The following SATB2 variants were observed in gnomAD, a reference collection of about 807,000 sequenced individuals.
SATB2 encodes SATB homeobox 2.
SATB2 carries 1 observed loss-of-function variant against 73.4 expected under a neutral mutation model. The observed-to-expected ratio is 0.01, with a 90% CI of 0.00 to 0.06. The LOEUF is 0.06. Among genes scored for constraint, SATB2 ranks in the 10% least tolerant of loss-of-function variants. SATB2 has a pLI of 1.00. For synonymous variants in SATB2, 397 were observed against 367.0 expected (o/e 1.08, Z -0.93); for missense variants, 459 against 945.8 (o/e 0.49, Z 6.75).
intron 7 of SATB2, among the ~76,000 whole-genome samples, chr2:199,333,383 T>C (rs763285426): frequency 6.6e-6 from 1 of 152,002 alleles, no homozygotes; most frequent in African/African-American, 2.4e-5. Context: ...GAAAGTATTA[T>C]CAACTGCAGG....
intron 3 of SATB2, among the ~76,000 whole-genome samples, chr2:199,409,742 AT>A (rs1690756417): frequency 6.6e-6 from 1 of 152,028 alleles, no homozygotes; most frequent in East Asian, 1.9e-4. Flanking sequence ...TGAAGGAGGA[AT>A]CTTTACTTGA....
In SATB2 at chr2:199,271,682, T is replaced by C. The variant is rs1454139211; in HGVS notation, c.*529A>G. On this transcript the variant is annotated 3_prime_UTR_variant, in exon 11 of 11. Transcript: ENST00000417098. ...AGCGACTCACTGTGAAGTGGTTTTT[T>C]TAATACATAAACAAGTCTTTTCTTT... is the stretch of plus-strand genomic sequence containing the variant. 6.5e-6 allele frequency: 1 copy of C among 153,356 alleles called. No homozygotes were observed. The highest frequency in any genetic ancestry group is 1.5e-5 in the Non-Finnish European group (1 of 68,566). The allele number at this position is 153,356 out of a possible 1,614,324, so 9.5% of individuals were successfully genotyped here.
chr2:199,461,201 G>A (rs913531774), upstream of SATB2, among the ~76,000 whole-genome samples: 1 of 152,134 alleles, frequency 6.6e-6, no homozygotes, highest in African/African-American at 2.4e-5. Context: ...TCCGGTGTGG[G>A]TTTTTGTCCT....
chr2:199,367,761 A>G (rs1275897575), intron 6 of SATB2, among the ~76,000 whole-genome samples: 1 of 152,132 alleles, frequency 6.6e-6, no homozygotes, highest in African/African-American at 2.4e-5. Flanking sequence ...AAATCCCCTC[A>G]GGGACCCTGG....
At chr2:199,404,587 G>A (rs2105896108) in intron 3 of SATB2, among the ~76,000 whole-genome samples, 1 of 152,120 alleles carries the variant, frequency 6.6e-6, no homozygotes, top group Non-Finnish European at 1.5e-5. Flanking sequence ...CATTTAAAAA[G>A]TATGAACCCT....
chr2:199,306,307 G>T (rs563714905), intron 10 of SATB2, among the ~76,000 whole-genome samples: 13 of 152,228 alleles, frequency 8.5e-5, no homozygotes, highest in African/African-American at 3.1e-4. Flanking sequence ...TTTGCTGACA[G>T]ACATAAATTC....
chr2:199,362,391 G>T (rs1236332938), intron 6 of SATB2, among the ~76,000 whole-genome samples: 1 of 125,786 alleles, frequency 8.0e-6, no homozygotes, highest in Non-Finnish European at 1.6e-5. Context: ...CTAGCAAGAA[G>T]AGTTTCCGGA....
chr2:199,391,550 A>G (rs769326840), intron 3 of SATB2, among the ~76,000 whole-genome samples: 1 of 152,166 alleles, frequency 6.6e-6, no homozygotes, highest in Non-Finnish European at 1.5e-5. Context: ...CCTAATGCAC[A>G]CAGCTTCAGA....
At chr2:199,450,370 T>C (rs1192944434) in intron 2 of SATB2, among the ~76,000 whole-genome samples, 1 of 152,176 alleles carries the variant, frequency 6.6e-6, no homozygotes, top group African/African-American at 2.4e-5. Context: ...AATGCCATTG[T>C]ATCTCAGTAT....
In SATB2 at chr2:199,272,353, G is replaced by C; in HGVS notation, c.2060C>G (p.Ala687Gly). Residue 687 changes from alanine to glycine, a missense_variant, in exon 11 of 11, where the codon GCT becomes GGT. Physicochemically the swap from Ala to Gly is moderately conservative, Grantham distance 60. This residue lies in a region of SATB2 where 13 missense variants were observed against 18.1 expected (regional missense o/e 0.72). Coordinates refer to ENST00000417098, the MANE Select transcript of SATB2 (RefSeq NM_001172509.2). This position sits in a 1 kb window ranked among gnomAD's most constrained non-coding sequence, Gnocchi z 6.7. ...CAGCAGCTCCTCGTCCTTATATTCA[G>C]CCACGTCCACCGCGGAGCCCAGGTG... ...KEHLGSAVDVAEYKDEELLTE... is the reference protein window; with the variant it reads ...KEHLGSAVDVGEYKDEELLTE... The C allele has an allele frequency of 1.2e-6, 2 of 1,614,178 alleles. No homozygotes were observed. The highest frequency in any genetic ancestry group is 8.5e-7 in the Non-Finnish European group (1 of 1,180,028).
rs372763412 is a variant in SATB2 at position 199,433,820 on chromosome 2, T to C, written c.170-306A>G. On this transcript the variant is annotated intron_variant, in intron 2 of 10. Coordinates refer to ENST00000417098, the MANE Select transcript of SATB2 (RefSeq NM_001172509.2). ...AGACACTCGAATCTTTTAATGTCTA[T>C]AGTTTTATCATTAACTATCAGCACT... 7.1e-4 allele frequency among the ~76,000 whole-genome samples: 108 copies of C among 152,290 alleles called. 1 individual carries two copies. Among genetic ancestry groups the C allele is most frequent in the African/African-American group, 2.2e-3 (93 of 41,576 alleles).
intron 10 of SATB2, among the ~76,000 whole-genome samples, chr2:199,278,950 T>C (rs1211253707): frequency 6.6e-6 from 1 of 152,220 alleles, no homozygotes; most frequent in Non-Finnish European, 1.5e-5. Context: ...TCTACAATAA[T>C]TGGACCTATT....
At chr2:199,384,925 A>G (rs923738759) in intron 3 of SATB2, among the ~76,000 whole-genome samples, 2 of 152,188 alleles carry the variant, frequency 1.3e-5, no homozygotes, top group African/African-American at 4.8e-5. Context: ...TTCAAAATAC[A>G]TTGACTCAAA....
intron 9 of SATB2, among the ~76,000 whole-genome samples, chr2:199,314,901 T>C (rs925179929): frequency 4.6e-5 from 7 of 152,114 alleles, no homozygotes; most frequent in African/African-American, 1.4e-4. Context: ...CCCACCTTCT[T>C]CCTTTTTAAG....
intron 5 of SATB2, among the ~76,000 whole-genome samples, chr2:199,371,395 G>A (rs1559010340): frequency 6.6e-6 from 1 of 151,904 alleles, no homozygotes; most frequent in African/African-American, 2.4e-5. Context: ...CATGAACCCA[G>A]CATGTGCTAT....
intron 2 of SATB2, among the ~76,000 whole-genome samples, chr2:199,448,155 A>G (rs1378456897): frequency 6.6e-6 from 1 of 152,202 alleles, no homozygotes; most frequent in African/African-American, 2.4e-5. Flanking sequence ...TGCTATTGCT[A>G]TTTCAAGTGT....
At chr2:199,368,909 CA>C in intron 5 of SATB2, 1 of 477,984 alleles carries the variant, frequency 2.1e-6, no homozygotes, top group Non-Finnish European at 3.8e-6. Context: ...GTGCTTTCTC[CA>C]AAAAGCCAAC....
At chr2:199,275,192 G>A (rs1331620135) in intron 10 of SATB2, among the ~76,000 whole-genome samples, 1 of 152,134 alleles carries the variant, frequency 6.6e-6, no homozygotes, top group Non-Finnish European at 1.5e-5. Context: ...ACTGTGCACT[G>A]GTTAGATTTA....
chr2:199,290,049 G>A (rs987473102), intron 10 of SATB2, among the ~76,000 whole-genome samples: 1 of 152,166 alleles, frequency 6.6e-6, no homozygotes, highest in Non-Finnish European at 1.5e-5. Context: ...TAACCTCACT[G>A]CAGCCTGAGC....
Sources: allele counts gnomAD v4.1 joint callset (sites outside exome capture counted in the v4.1 genomes callset), GRCh38; gene constraint gnomAD v4.1.1; regional missense constraint gnomAD v4.1.1; non-coding constraint Gnocchi (gnomAD v3.1); transcripts MANE v1.5; gene names NCBI Gene and HGNC (gene_info 2026-07-23, HGNC 2026-07-21).